CBLN2: variants seen among roughly 807,000 people sequenced by gnomAD.
CBLN2 encodes cerebellin 2 precursor, also known as cerebellin-2.
Under a neutral mutation model 15.0 loss-of-function variants are expected in CBLN2, and 7 were observed. The ratio of observed to expected loss-of-function variants is 0.47; its 90% CI spans 0.27 to 0.88. The LOEUF is 0.88. CBLN2 is among the 40% of genes least tolerant of loss of function. The pLI is 0.14. For missense variants in CBLN2, 242 were observed against 304.5 expected (o/e 0.79, Z 1.53); for synonymous variants, 149 against 135.2 (o/e 1.10, Z -0.71).
At chr18:72,633,263 C>T (rs4632216) in intron 1 of CBLN2, among the ~76,000 whole-genome samples, 107,360 of 152,052 alleles carry the variant, frequency 0.71, 38,218 homozygotes, top group African/African-American at 0.78. Flanking sequence ...TGTTAAAACA[C>T]TGTGGGCATA....
intron 1 of CBLN2, among the ~76,000 whole-genome samples, chr18:72,589,069 G>T (rs1009205683): frequency 4.6e-5 from 7 of 152,134 alleles, no homozygotes; most frequent in Non-Finnish European, 1.0e-4. Flanking sequence ...TCACCTCTTT[G>T]CGGTATCATT....
chr18:72,597,215 T>C (rs2069519079), intron 1 of CBLN2, among the ~76,000 whole-genome samples: 1 of 152,200 alleles, frequency 6.6e-6, no homozygotes, highest in African/African-American at 2.4e-5. Flanking sequence ...TGTTGTGATC[T>C]AAGTCTTTGG....
chr18:72,599,852 G>C (rs911504081), intron 1 of CBLN2, among the ~76,000 whole-genome samples: 1 of 152,228 alleles, frequency 6.6e-6, no homozygotes, highest in Admixed American at 6.5e-5. Flanking sequence ...CCGTGAAACA[G>C]TTTGAGAGCT....
At chr18:72,545,389 A>G (rs2069151187), upstream of CBLN2, among the ~76,000 whole-genome samples, 1 of 152,262 alleles carries the variant, frequency 6.6e-6, no homozygotes, top group Non-Finnish European at 1.5e-5. Flanking sequence ...TAGAAAATAT[A>G]CAATACTTCC....
intron 1 of CBLN2, among the ~76,000 whole-genome samples, chr18:72,624,329 C>T (rs942670229): frequency 6.6e-6 from 1 of 152,006 alleles, no homozygotes; most frequent in Non-Finnish European, 1.5e-5. Context: ...TTTCCCTCTT[C>T]GTTGAGATGT....
chr18:72,600,617 A>G (rs1249672408), intron 1 of CBLN2, among the ~76,000 whole-genome samples: 1 of 152,142 alleles, frequency 6.6e-6, no homozygotes, highest in Non-Finnish European at 1.5e-5. Context: ...TAATTGCCTG[A>G]TGGGGTCTTC....
intron 1 of CBLN2, among the ~76,000 whole-genome samples, chr18:72,602,347 A>C (rs1266793721): frequency 6.6e-6 from 1 of 152,210 alleles, no homozygotes; most frequent in Non-Finnish European, 1.5e-5. Context: ...CACTCTTCTC[A>C]GCATCCCCGT....
chr18:72,590,814 A>G (rs927585061), intron 1 of CBLN2, among the ~76,000 whole-genome samples: 1 of 152,226 alleles, frequency 6.6e-6, no homozygotes, highest in African/African-American at 2.4e-5. Flanking sequence ...CTGAGCAGCT[A>G]GAAGACCAAG....
intron 1 of CBLN2, among the ~76,000 whole-genome samples, chr18:72,593,125 G>A (rs1231465720): frequency 2.6e-5 from 4 of 152,026 alleles, no homozygotes; most frequent in Non-Finnish European, 5.9e-5. Flanking sequence ...TCACGAATAT[G>A]CAATATCTTT....
chr18:72,552,128 C>T (rs1454112067), intron 1 of CBLN2, among the ~76,000 whole-genome samples: 1 of 150,772 alleles, frequency 6.6e-6, no homozygotes, highest in Non-Finnish European at 1.5e-5. Context: ...CAGACTTTCG[C>T]TCTTTTTGCC....
chr18:72,541,850 T>C lies in CBLN2; in HGVS notation c.311A>G (p.Glu104Gly). The C allele has an allele frequency of 6.3e-7, 1 of 1,597,570 alleles. No homozygotes were observed. The highest frequency in any genetic ancestry group is 8.5e-7 in the Non-Finnish European group (1 of 1,174,180). The change falls in exon 3 of 5, where the codon GAG (glutamate) becomes GGG (glycine). Residue 104 changes from glutamate (E) to glycine (G), a missense_variant. Glu to Gly is a moderately conservative substitution (Grantham distance 98). Around this residue, in one of 4 missense-constraint regions of CBLN2, gnomAD observed 89 missense variants for 114.2 expected, o/e 0.78. Coordinates refer to ENST00000269503, the MANE Select transcript of CBLN2 (RefSeq NM_182511.4). ...AFSATRSTNH[E>G]PSEMSNRTMT... ...GGTGCGGTTGCTCATCTCGGACGGC[T>C]CGTGGTTGGTGCTCCGCGTGGCGGA... is the stretch of plus-strand genomic sequence containing the variant.
At chr18:72,560,064 G>C (rs1159531580) in intron 1 of CBLN2, among the ~76,000 whole-genome samples, 3 of 152,192 alleles carry the variant, frequency 2.0e-5, no homozygotes, top group Non-Finnish European at 4.4e-5. Context: ...AGAGGAGTTT[G>C]TGTATTTCCT....
chr18:72,555,135 TAA>T (rs531715316), intron 1 of CBLN2, among the ~76,000 whole-genome samples: 1,529 of 148,048 alleles, frequency 0.01, 21 homozygotes, highest in African/African-American at 0.035. Context: ...ATTCTGTCTT[TAA>T]AAAAAGAAAA....
chr18:72,584,121 C>T (rs1360783244), intron 1 of CBLN2, among the ~76,000 whole-genome samples: 1 of 152,112 alleles, frequency 6.6e-6, no homozygotes, highest in African/African-American at 2.4e-5. Context: ...AGGGCACACG[C>T]ATTGCCTGTG....
chr18:72,619,084 C>G, intron 1 of CBLN2: 1 of 747,490 alleles, frequency 1.3e-6, no homozygotes, highest in Non-Finnish European at 2.4e-6. Flanking sequence ...AATTTTGGAC[C>G]CATGAAGAGA....
intron 1 of CBLN2, among the ~76,000 whole-genome samples, chr18:72,557,852 C>T (rs561877861): frequency 1.2e-4 from 19 of 152,138 alleles, no homozygotes; most frequent in Non-Finnish European, 2.4e-4. Flanking sequence ...CAAGCCACCA[C>T]GGCACATGTT....
At chr18:72,575,048 A>G (rs1049708819) in intron 1 of CBLN2, among the ~76,000 whole-genome samples, 1 of 152,154 alleles carries the variant, frequency 6.6e-6, no homozygotes, top group African/African-American at 2.4e-5. Context: ...AGAGGGTTAA[A>G]CGAAGTAGTT....
intron 1 of CBLN2, chr18:72,619,334 T>C: frequency 3.7e-6 from 2 of 543,336 alleles, no homozygotes; most frequent in South Asian, 3.0e-5. Flanking sequence ...TGGCAGGGCC[T>C]AGCTGCTACA....
intron 1 of CBLN2, among the ~76,000 whole-genome samples, chr18:72,568,663 G>T (rs1343173408): frequency 6.6e-6 from 1 of 152,006 alleles, no homozygotes; most frequent in Non-Finnish European, 1.5e-5. Context: ...TTCTTTTGAG[G>T]TTAGTTTCTG....
Sources: allele counts gnomAD v4.1 joint callset (sites outside exome capture counted in the v4.1 genomes callset), GRCh38; gene constraint gnomAD v4.1.1; regional missense constraint gnomAD v4.1.1; transcripts MANE v1.5; gene names NCBI Gene and HGNC (gene_info 2026-07-23, HGNC 2026-07-21).